ARHGAP26: variants seen among roughly 807,000 people sequenced by gnomAD.
ARHGAP26 encodes the protein Rho GTPase activating protein 26, also known as rho GTPase-activating protein 26.
A neutral mutation model predicts 104.8 loss-of-function variants in ARHGAP26; 38 were observed. The ratio of observed to expected loss-of-function variants is 0.36; its 90% CI spans 0.28 to 0.48. ARHGAP26 has a LOEUF of 0.48. Among genes scored for constraint, ARHGAP26 ranks in the 20% least tolerant of loss-of-function variants. ARHGAP26 has a pLI of 0.99. For missense variants in ARHGAP26, 704 were observed against 947.9 expected, an observed-to-expected ratio of 0.74 and a Z score of 3.38; for synonymous variants, 341 against 340.0, an observed-to-expected ratio of 1.00 and a Z score of -0.03.
intron 10 of ARHGAP26, among the ~76,000 whole-genome samples, chr5:142,930,966 G>A (rs546877259): frequency 6.6e-6 from 1 of 152,300 alleles, no homozygotes; most frequent in African/African-American, 2.4e-5. Context: ...TGCTCAGCCT[G>A]TGTGGTTTTA....
chr5:143,058,236 A>G (rs184938594), intron 17 of ARHGAP26: 1 of 363,638 alleles, frequency 2.7e-6, no homozygotes, highest in Non-Finnish European at 5.2e-6. Context: ...TAGTTTCCCC[A>G]TCTGTCTAAT....
At chr5:143,092,409 C>T (rs1410225372) in intron 17 of ARHGAP26, among the ~76,000 whole-genome samples, 1 of 152,146 alleles carries the variant, frequency 6.6e-6, no homozygotes, top group East Asian at 1.9e-4. Context: ...CGTGATCCGC[C>T]CACCTCGGCC....
chr5:143,105,601 G>A (rs1156675403), intron 17 of ARHGAP26, among the ~76,000 whole-genome samples: 1 of 152,114 alleles, frequency 6.6e-6, no homozygotes, highest in Non-Finnish European at 1.5e-5. Flanking sequence ...GTGTGGACAT[G>A]TGTGTACAGG....
At chr5:142,859,084 G>C (rs1752885174) in intron 1 of ARHGAP26, among the ~76,000 whole-genome samples, 1 of 152,156 alleles carries the variant, frequency 6.6e-6, no homozygotes, top group African/African-American at 2.4e-5. Context: ...AGTGGGGTGG[G>C]AAGAGTTATA....
chr5:142,776,261 C>T (rs775418218), intron 1 of ARHGAP26, among the ~76,000 whole-genome samples: 9 of 152,166 alleles, frequency 5.9e-5, no homozygotes, highest in Admixed American at 1.3e-4. Context: ...GCATGAACCA[C>T]GGCTCCTAGC....
chr5:142,864,159 T>G (rs1190099402), intron 1 of ARHGAP26, among the ~76,000 whole-genome samples: 1 of 151,976 alleles, frequency 6.6e-6, no homozygotes, highest in Non-Finnish European at 1.5e-5. Context: ...GGGGCCAAGC[T>G]CAAGTTCCAC....
chr5:142,961,614 A>G (rs17287559), intron 11 of ARHGAP26, among the ~76,000 whole-genome samples: 5,867 of 152,292 alleles, frequency 0.039, 124 homozygotes, highest in Middle Eastern at 0.058. Context: ...ACCTATGGGT[A>G]TTACTGGCTA....
intron 12 of ARHGAP26, among the ~76,000 whole-genome samples, chr5:143,034,618 G>A (rs1034351447): frequency 1.3e-5 from 2 of 152,134 alleles, no homozygotes; most frequent in Non-Finnish European, 2.9e-5. Flanking sequence ...GGGTTTTTGG[G>A]GTAGGGAGGA....
chr5:143,145,400 A>G lies in ARHGAP26; in HGVS notation c.1838-1831A>G, dbSNP rs144577747. ...AATGTCTCCAGTTGAAGCCCAGGGA[A>G]CCGTCCTCACTCTCTCTCTTTATAT... On this transcript the variant is annotated intron_variant, in intron 19 of 22. Transcript: ENST00000645722. Among the ~76,000 whole-genome samples the G allele has an allele frequency of 3.8e-3, 583 of 152,226 alleles. 3 individuals are homozygous for G. The highest frequency in any genetic ancestry group is 0.014 in the African/African-American group (569 of 41,522).
intron 10 of ARHGAP26, among the ~76,000 whole-genome samples, chr5:142,913,649 A>G (rs1224417223): frequency 1.3e-5 from 2 of 152,196 alleles, no homozygotes; most frequent in African/African-American, 4.8e-5. Flanking sequence ...ATTTAGCATG[A>G]TTGTATCAGC....
chr5:143,069,243 CGTT>C (rs1177834899), intron 17 of ARHGAP26, among the ~76,000 whole-genome samples: 1 of 152,128 alleles, frequency 6.6e-6, no homozygotes, highest in Non-Finnish European at 1.5e-5. Context: ...TTTGTTTACT[CGTT>C]GTTTTCTTCT....
chr5:142,848,335 T>C (rs1490450097), intron 1 of ARHGAP26, among the ~76,000 whole-genome samples: 1 of 152,200 alleles, frequency 6.6e-6, no homozygotes, highest in South Asian at 2.1e-4. Flanking sequence ...TGGGTGGCCA[T>C]CACTCCCCGG....
At position 142,949,221 on chromosome 5, in the gene ARHGAP26, GGAGAGAGAGAGGAGAGAGA is replaced by G. The variant is rs1598357635; in HGVS notation, c.1107+17108_1107+17126del. Among the ~76,000 whole-genome samples the G allele has an allele frequency of 1.0e-3, 10 of 9,772 alleles. 1 individual carries two copies. In the East Asian group the frequency reaches 0.017, roughly 16 times the overall value. The allele number at this position is 9,772 out of a possible 152,430, so 6.4% of individuals were successfully genotyped here. On this transcript the variant is annotated intron_variant, in intron 11 of 22. Transcript: ENST00000645722. ...AGAGAGAGAGAGAGAGAGAGAGAGA[GGAGAGAGAGAGGAGAGAGA>G]GAGAGAGAGAGAGAGAGTTGAGAAT...
chr5:143,166,317 A>C (rs1369568339), intron 20 of ARHGAP26, among the ~76,000 whole-genome samples: 1 of 152,162 alleles, frequency 6.6e-6, no homozygotes, highest in Non-Finnish European at 1.5e-5. Flanking sequence ...GGAAGCCCAG[A>C]CCAGGAATCC....
chr5:142,931,477 A>C (rs1764706505), intron 10 of ARHGAP26, among the ~76,000 whole-genome samples: 1 of 152,228 alleles, frequency 6.6e-6, no homozygotes, highest in African/African-American at 2.4e-5. Context: ...TTAGCACCTG[A>C]CATGATTAAG....
intron 17 of ARHGAP26, among the ~76,000 whole-genome samples, chr5:143,069,875 T>C (rs1191250035): frequency 1.3e-5 from 2 of 152,198 alleles, no homozygotes; most frequent in Non-Finnish European, 2.9e-5. Flanking sequence ...CATTCAGATA[T>C]TTTCCTAATA....
chr5:142,915,955 G>A (rs909831761), intron 10 of ARHGAP26, among the ~76,000 whole-genome samples: 3 of 152,148 alleles, frequency 2.0e-5, no homozygotes, highest in Non-Finnish European at 4.4e-5. Flanking sequence ...CCTTTAGCGA[G>A]GAGGTGATTG....
chr5:142,927,886 T>C (rs1764147226), intron 10 of ARHGAP26, among the ~76,000 whole-genome samples: 1 of 152,200 alleles, frequency 6.6e-6, no homozygotes, highest in Non-Finnish European at 1.5e-5. Context: ...CTCATTGTGG[T>C]TTTAATCACA....
chr5:142,830,601 A>T (rs1183168834), intron 1 of ARHGAP26, among the ~76,000 whole-genome samples: 1 of 152,212 alleles, frequency 6.6e-6, no homozygotes, highest in African/African-American at 2.4e-5. Context: ...TGGATAAAAA[A>T]TACCGGTCTT....
Sources: allele counts gnomAD v4.1 joint callset (sites outside exome capture counted in the v4.1 genomes callset), GRCh38; gene constraint gnomAD v4.1.1; transcripts MANE v1.5; gene names NCBI Gene and HGNC (gene_info 2026-07-23, HGNC 2026-07-21).